TCF7: variants seen among roughly 807,000 people sequenced by gnomAD.
TCF7 encodes T-cell-factor-7.
TCF7 carries 19 observed loss-of-function variants against 46.8 expected under a neutral mutation model. The observed-to-expected ratio is 0.41, with a 90% CI of 0.28 to 0.60. The LOEUF (loss-of-function observed/expected upper bound fraction) is 0.60. Among genes scored for constraint, TCF7 ranks in the 20% least tolerant of loss-of-function variants. The pLI is 0.35. For missense variants in TCF7, 547 were observed against 504.6 expected, an observed-to-expected ratio of 1.08 and a Z score of -0.81; for synonymous variants, 245 against 213.4, an observed-to-expected ratio of 1.15 and a Z score of -1.29.
intron 3 of TCF7, among the ~76,000 whole-genome samples, chr5:134,128,162 T>C (rs1337817976): frequency 6.6e-6 from 1 of 152,104 alleles, no homozygotes; most frequent in Non-Finnish European, 1.5e-5. Flanking sequence ...GGTGCCTGGC[T>C]CCCCCGTCCC....
chr5:134,134,127 G>A (rs1758527738), intron 3 of TCF7, among the ~76,000 whole-genome samples: 1 of 152,230 alleles, frequency 6.6e-6, no homozygotes, highest in Non-Finnish European at 1.5e-5. Flanking sequence ...CCCAGGGGAA[G>A]GGTAGTTTAC....
intron 3 of TCF7, among the ~76,000 whole-genome samples, chr5:134,122,823 C>G (rs565978947): frequency 6.6e-6 from 1 of 152,184 alleles, no homozygotes; most frequent in African/African-American, 2.4e-5. Context: ...GCCCCCACCC[C>G]CAATGGTACA....
intron 9 of TCF7, chr5:134,145,774 A>G (rs757820745): frequency 6.2e-7 from 1 of 1,613,960 alleles, no homozygotes; most frequent in Non-Finnish European, 8.5e-7. Context: ...AAGGATGGTA[A>G]TGGACAAGAG....
In TCF7 at chr5:134,115,990, C is replaced by A. The variant is rs781160993; in HGVS notation, c.398C>A (p.Pro133His). The change falls in exon 3 of 10, where the codon CCC (proline) becomes CAC (histidine). Residue 133 changes from proline (P) to histidine (H), a missense_variant. Transcript: ENST00000342854. ...SAFNLLMHYP[P>H]PSGAGQHPQP... is the part of the protein sequence containing the mutation. The stretch of plus-strand genomic sequence containing the variant: ...TTCAATCTGCTCATGCATTACCCAC[C>A]CCCCTCGGGAGCAGGGCAGCACCCC... 6.8e-6 allele frequency: 11 copies of A among 1,613,674 alleles called. No individual in the cohort carries two copies. In the Admixed American group the frequency reaches 8.3e-5, roughly 12 times the overall value.
rs1468641765 is a variant in TCF7 at position 134,145,281 on chromosome 5, T to C, written c.1076-943T>C. The C allele has an allele frequency of 5.6e-6, 3 of 540,202 alleles. No homozygotes were observed. In the Admixed American group the frequency reaches 5.8e-5, roughly 10 times the overall value. 33.5% of individuals were successfully genotyped at this position (540,202 alleles called of 1,614,324 possible). The stretch of plus-strand genomic sequence containing the variant: ...CAAGATGGGATCCCTGCCTGTACCA[T>C]CCTGAGCCCTTAATCTGAAAAAGCA... On this transcript the variant is annotated intron_variant, in intron 9 of 9. Transcript: ENST00000342854.
At chr5:134,115,761 G>T in intron 2 of TCF7, 148 bp from the exon 3 acceptor site, 1 of 1,469,604 alleles carries the variant, frequency 6.8e-7, no homozygotes, top group Non-Finnish European at 9.0e-7. Context: ...CCTAAAACTT[G>T]GCACTGCCGA....
intron 3 of TCF7, among the ~76,000 whole-genome samples, chr5:134,128,085 GTTCGCT>G (rs951116555): frequency 2.0e-5 from 3 of 152,166 alleles, no homozygotes; most frequent in African/African-American, 7.2e-5. Flanking sequence ...CTGACTCGGC[GTTCGCT>G]GTCCCTCCCC....
intron 9 of TCF7, 23 bp from the exon 10 acceptor site, chr5:134,146,201 A>G (rs770746067): frequency 7.2e-5 from 117 of 1,614,038 alleles, no homozygotes; most frequent in Non-Finnish European, 9.6e-5. Context: ...CTGTTTACAG[A>G]TAACTCTCTT....
intron 7 of TCF7, 50 bp downstream of exon 7, chr5:134,142,933 A>T: frequency 6.2e-7 from 1 of 1,611,486 alleles, no homozygotes; most frequent in Non-Finnish European, 8.5e-7. Flanking sequence ...GACCATCTTC[A>T]GCCTGGTGCA....
chr5:134,111,830 C>T (rs1755334983), upstream of TCF7, among the ~76,000 whole-genome samples: 1 of 152,204 alleles, frequency 6.6e-6, no homozygotes, highest in African/African-American at 2.4e-5. Flanking sequence ...GTCAGACTGC[C>T]TGGGTTTCAA....
rs754411066 is a variant in TCF7, at chr5:134,146,843, A to G, written c.*540A>G. The stretch of plus-strand genomic sequence containing the variant: ...CTAGCTTTTCTGCTATAGGTCAGAG[A>G]TGGGCTGAACTGAGCCTAGCTACCT... On this transcript the variant is annotated 3_prime_UTR_variant, in exon 10 of 10. Transcript: ENST00000342854. 8 of 388,124 alleles carry G rather than the reference A, an allele frequency of 2.1e-5. No homozygotes were observed. Among genetic ancestry groups the G allele is most frequent in the Non-Finnish European group, 3.3e-5 (7 of 213,630 alleles). The allele number at this position is 388,124 out of a possible 1,614,324, so 24.0% of individuals were successfully genotyped here.
intron 3 of TCF7, among the ~76,000 whole-genome samples, chr5:134,118,366 G>A (rs755224219): frequency 2.6e-5 from 4 of 152,134 alleles, no homozygotes; most frequent in Admixed American, 1.3e-4. Context: ...CCCTTTGCCC[G>A]GCCCTCTCTG....
intron 3 of TCF7, among the ~76,000 whole-genome samples, chr5:134,127,036 G>A (rs1373400176): frequency 6.6e-6 from 1 of 152,188 alleles, no homozygotes; most frequent in African/African-American, 2.4e-5. Context: ...ACTTTGGTCT[G>A]TTTTACCCTG....
At chr5:134,127,856 A>G (rs1757542056) in intron 3 of TCF7, among the ~76,000 whole-genome samples, 1 of 152,266 alleles carries the variant, frequency 6.6e-6, no homozygotes, top group East Asian at 1.9e-4. Context: ...GGCGTTCCTG[A>G]AAAGCCTTTG....
intron 2 of TCF7, 153 bp downstream of exon 2, chr5:134,115,540 C>T: frequency 6.9e-7 from 1 of 1,442,042 alleles, no homozygotes; most frequent in Non-Finnish European, 9.1e-7. Flanking sequence ...GGGCGGGCTT[C>T]CCGGGCGCCG....
In TCF7 at chr5:134,114,798, G is replaced by C; in HGVS notation, c.-109G>C. 1 of 961,280 alleles carries C rather than the reference G, an allele frequency of 1.0e-6. No homozygotes were observed. The highest frequency in any genetic ancestry group is 1.2e-6 in the Non-Finnish European group (1 of 809,766). The allele number at this position is 961,280 out of a possible 1,614,324, so 59.5% of individuals were successfully genotyped here. The stretch of plus-strand genomic sequence containing the variant: ...GGAGTCAGCCCGCGCTCCGCCCGCC[G>C]CGATCCGAGCTCGGAGGTTCGGACT... On this transcript the variant is annotated 5_prime_UTR_variant, in exon 1 of 10. Coordinates refer to ENST00000342854, the MANE Select transcript of TCF7 (RefSeq NM_003202.5).
chr5:134,139,960 T>C (rs1759491686), intron 5 of TCF7: 1 of 152,268 alleles, frequency 6.6e-6, no homozygotes. Context: ...CCAGCCTTAC[T>C]GGACTAGACC....
chr5:134,115,199 C>T (rs895854833), intron 1 of TCF7, 44 bp downstream of exon 1: 2 of 1,116,918 alleles, frequency 1.8e-6, no homozygotes, highest in East Asian at 4.8e-5. Context: ...GGTCGCCGCG[C>T]CGCGCCGCCC....
intron 3 of TCF7, among the ~76,000 whole-genome samples, chr5:134,137,592 C>G (rs1759084467): frequency 6.6e-6 from 1 of 152,144 alleles, no homozygotes; most frequent in Non-Finnish European, 1.5e-5. Context: ...TCAGAAAATC[C>G]TGTTAGGCCT....
Sources: gnomAD v4.1 joint callset for allele counts (sites outside exome capture counted in the v4.1 genomes callset) on GRCh38, gnomAD v4.1.1 for gene constraint, MANE v1.5 for transcripts, NCBI Gene and HGNC (gene_info 2026-07-23, HGNC 2026-07-21) for gene names.